PLEKHA8: variants seen among roughly 807,000 people sequenced by gnomAD.
The protein encoded by PLEKHA8 is pleckstrin homology domain-containing family A member 8.
A neutral mutation model predicts 68.2 loss-of-function variants in PLEKHA8; 36 were observed. The observed-to-expected ratio is 0.53, with a 90% CI of 0.40 to 0.70. PLEKHA8 has a LOEUF of 0.70. Ranked by LOEUF, PLEKHA8 falls within the 30% of genes least tolerant of loss-of-function variation. The pLI is 0.00. For synonymous variants in PLEKHA8, 211 were observed against 216.1 expected, an observed-to-expected ratio of 0.98 and a Z score of 0.20; for missense variants, 505 against 615.4, an observed-to-expected ratio of 0.82 and a Z score of 1.90.
chr7:30,052,654 A>G, intron 6 of PLEKHA8, 55 bp from the exon 7 acceptor site: 1 of 1,435,210 alleles, frequency 7.0e-7, no homozygotes, highest in East Asian at 2.5e-5. Flanking sequence ...AAAAAAAAAA[A>G]AAAAAAGACC....
At chr7:30,111,839 A>G (rs1277933017) in intron 13 of PLEKHA8, among the ~76,000 whole-genome samples, 2 of 152,198 alleles carry the variant, frequency 1.3e-5, no homozygotes, top group South Asian at 2.1e-4. Flanking sequence ...TAAGCAACAC[A>G]TGACTGTGTA....
At chr7:30,117,883 C>A in intron 13 of PLEKHA8, 1 of 878,148 alleles carries the variant, frequency 1.1e-6, no homozygotes, top group Non-Finnish European at 1.7e-6. Context: ...AACTCTACTT[C>A]CTGTAGATTA....
At chr7:30,124,921 T>G (rs1796748882) in intron 13 of PLEKHA8, among the ~76,000 whole-genome samples, 2 of 152,022 alleles carry the variant, frequency 1.3e-5, no homozygotes, top group South Asian at 4.1e-4. Flanking sequence ...CCAAAAAAAT[T>G]AGATCTTAAA....
Position 30,080,403 on chromosome 7 carries a change from G to A in PLEKHA8, c.*1616G>A, listed in dbSNP as rs1794867494. 1 of 985,136 alleles carries A rather than the reference G, an allele frequency of 1.0e-6. No individual in the cohort carries two copies. Among genetic ancestry groups the A allele is most frequent in the South Asian group, 4.7e-5 (1 of 21,282 alleles). The allele number at this position is 985,136 out of a possible 1,614,324, so 61.0% of individuals were successfully genotyped here. A position where few individuals can be genotyped will look rare whatever the true frequency, so the allele number is the denominator to read the frequency against. On this transcript the variant is annotated 3_prime_UTR_variant, in exon 14 of 14. Coordinates refer to ENST00000449726, the MANE Select transcript of PLEKHA8 (RefSeq NM_001197026.2). ...CAGCATGAGGTAGTTATCCAGGGTA[G>A]AAGGTCCTTTGAGGGGCTTGGTTGA... is the stretch of plus-strand genomic sequence containing the variant.
Position 30,079,911 on chromosome 7 carries a change from T to C in PLEKHA8, c.*1124T>C, listed in dbSNP as rs1035561547. ...AAATGATATGTCCTTTTTTTTTTTT[T>C]CAAAGAGGATAAGGCTGCTATTTAA... is the stretch of plus-strand genomic sequence containing the variant. On this transcript the variant is annotated 3_prime_UTR_variant, in exon 14 of 14. Coordinates refer to ENST00000449726, the MANE Select transcript of PLEKHA8 (RefSeq NM_001197026.2). 6.1e-6 allele frequency: 6 copies of C among 981,984 alleles called. No homozygotes were observed. The highest frequency in any genetic ancestry group is 1.7e-5 in the African/African-American group (1 of 57,182). The allele number at this position is 981,984 out of a possible 1,614,324, so 60.8% of individuals were successfully genotyped here. A position where few individuals can be genotyped will look rare whatever the true frequency, so the allele number is the denominator to read the frequency against.
At chr7:30,045,297 C>A in intron 2 of PLEKHA8, 96 bp downstream of exon 2, 1 of 871,162 alleles carries the variant, frequency 1.1e-6, no homozygotes, top group Non-Finnish European at 1.8e-6. Flanking sequence ...CTCTGCTGCT[C>A]CCATAATACA....
At chr7:30,063,178 G>T (rs1793573328) in intron 12 of PLEKHA8, among the ~76,000 whole-genome samples, 1 of 152,176 alleles carries the variant, frequency 6.6e-6, no homozygotes, top group Admixed American at 6.5e-5. Flanking sequence ...TCGTCGTCGT[G>T]TAACTCCTCA....
At chr7:30,038,494 G>C (rs1791276446) in intron 1 of PLEKHA8, among the ~76,000 whole-genome samples, 1 of 152,162 alleles carries the variant, frequency 6.6e-6, no homozygotes, top group Non-Finnish European at 1.5e-5. Context: ...CACAACAGTG[G>C]TTGGCCAAGG....
intron 6 of PLEKHA8, among the ~76,000 whole-genome samples, chr7:30,051,973 AAAAT>A (rs759686497): frequency 1.3e-5 from 2 of 152,122 alleles, no homozygotes; most frequent in Non-Finnish European, 2.9e-5. Flanking sequence ...ACTCCATCTC[AAAAT>A]AAATAAATAA....
At chr7:30,109,610 A>G (rs111359305) in intron 13 of PLEKHA8, among the ~76,000 whole-genome samples, 1,608 of 109,048 alleles carry the variant, frequency 0.015, 21 homozygotes, top group Non-Finnish European at 0.027. Flanking sequence ...AAAAAAAAAA[A>G]AAAGAGAGAG....
intron 13 of PLEKHA8, chr7:30,115,928 A>ACG (rs1562558406): frequency 2.7e-5 from 3 of 110,558 alleles, no homozygotes; most frequent in African/African-American, 1.0e-4. Context: ...GCGTGTACAT[A>ACG]CATGTATACA....
At chr7:30,087,430 T>A (rs1795226267), downstream of PLEKHA8, among the ~76,000 whole-genome samples, 1 of 152,204 alleles carries the variant, frequency 6.6e-6, no homozygotes, top group African/African-American at 2.4e-5. Flanking sequence ...CTACTGACCA[T>A]CCCTTAGAGA....
At chr7:30,075,494 G>C (rs1019391888) in intron 13 of PLEKHA8, among the ~76,000 whole-genome samples, 1 of 152,178 alleles carries the variant, frequency 6.6e-6, no homozygotes, top group Non-Finnish European at 1.5e-5. Flanking sequence ...CCAAGTACCA[G>C]AGTGAGGCTA....
chr7:30,059,200 A>T (rs1318143476), intron 9 of PLEKHA8, among the ~76,000 whole-genome samples: 1 of 152,264 alleles, frequency 6.6e-6, no homozygotes, highest in African/African-American at 2.4e-5. Context: ...TCTCTGAAGA[A>T]TGTTCTATCT....
intron 12 of PLEKHA8, chr7:30,090,141 A>C: frequency 6.5e-7 from 1 of 1,550,230 alleles, no homozygotes; most frequent in Non-Finnish European, 8.7e-7. Flanking sequence ...AAAAGAGTGC[A>C]CTATGTTGTA....
In PLEKHA8 at chr7:30,115,906, A is replaced by G. The variant is rs1017125414; in HGVS notation, c.1363-13360A>G. The G allele has an allele frequency of 2.0e-4, 27 of 137,692 alleles. 3 individuals are homozygous for G. The highest frequency in any genetic ancestry group is 8.4e-4 in the East Asian group (4 of 4,756). 8.5% of individuals were successfully genotyped at this position (137,692 alleles called of 1,614,324 possible). A position where few individuals can be genotyped will look rare whatever the true frequency, so the allele number is the denominator to read the frequency against. ...CATACATGCGTATACATGCATGTAT[A>G]CATGCATGCGTGCGTGTACATACAT... On this transcript the variant is annotated intron_variant, in intron 13 of 13. Transcript: ENST00000396257.
intron 5 of PLEKHA8, 22 bp from the exon 6 acceptor site, chr7:30,050,407 ACTTTC>A (rs1432694108): frequency 1.9e-6 from 3 of 1,559,780 alleles, no homozygotes; most frequent in African/African-American, 1.4e-5. Context: ...TAACATGTGA[ACTTTC>A]CTTTCTTTGC....
At chr7:30,061,082 A>T in intron 10 of PLEKHA8, 140 bp downstream of exon 10, 1 of 738,724 alleles carries the variant, frequency 1.4e-6, no homozygotes, top group Non-Finnish European at 2.2e-6. Flanking sequence ...TTCTTCTCAC[A>T]CTGTGAATGC....
At position 30,045,143 on chromosome 7, in the gene PLEKHA8, T is replaced by C; in HGVS notation, c.99T>C (p.Pro33=). 1 of 1,612,590 alleles carries C rather than the reference T, an allele frequency of 6.2e-7. No homozygotes were observed. Among genetic ancestry groups the C allele is most frequent in the Non-Finnish European group, 8.5e-7 (1 of 1,179,320 alleles). Residue 33 remains proline (P), a synonymous_variant, in exon 2 of 14, where the codon CCT becomes CCC. Transcript: ENST00000449726. ...CGGILSYYDS[P]EDAWKGCKGS... is the part of the protein sequence containing the mutation. Reference sequence around the variant, plus strand: ...GAATATTGTCCTATTATGATTCTCCTGAAGATGCCTGGAAAGGTTGCAAAG... The same window carrying C: ...GAATATTGTCCTATTATGATTCTCCCGAAGATGCCTGGAAAGGTTGCAAAG...
Sources: allele counts gnomAD v4.1 joint callset (sites outside exome capture counted in the v4.1 genomes callset), GRCh38; gene constraint gnomAD v4.1.1; transcripts MANE v1.5; gene names NCBI Gene and HGNC (gene_info 2026-07-23, HGNC 2026-07-21).